MSRB3: variants seen among roughly 807,000 people sequenced by gnomAD.
MSRB3 encodes methionine-R-sulfoxide reductase B3.
Under a neutral mutation model 21.0 loss-of-function variants are expected in MSRB3, and 13 were observed. The ratio of observed to expected loss-of-function variants is 0.62; its 90% CI spans 0.40 to 0.98. MSRB3 has a LOEUF of 0.98. Among genes scored for constraint, MSRB3 ranks in the 50% least tolerant of loss-of-function variants. The pLI is 0.00. For synonymous variants in MSRB3, 87 were observed against 88.6 expected, an observed-to-expected ratio of 0.98 and a Z score of 0.10; for missense variants, 199 against 230.3, an observed-to-expected ratio of 0.86 and a Z score of 0.88.
chr12:65,374,854 T>C (rs1337572696), intron 5 of MSRB3, among the ~76,000 whole-genome samples: 1 of 152,192 alleles, frequency 6.6e-6, no homozygotes, highest in African/African-American at 2.4e-5. Flanking sequence ...GCAATCTTTC[T>C]TTCTTTCTTT....
chr12:65,403,835 A>G (rs1880263348), intron 5 of MSRB3, among the ~76,000 whole-genome samples: 1 of 152,008 alleles, frequency 6.6e-6, no homozygotes, highest in Admixed American at 6.6e-5. Context: ...GCAGTCCCTC[A>G]TGGCTTCCCT....
Position 65,437,075 on chromosome 12 carries a change from A to G in MSRB3, c.293-16653A>G, listed in dbSNP as rs1175947924. On this transcript the variant is annotated intron_variant, in intron 5 of 6. Coordinates refer to ENST00000308259, the MANE Select transcript of MSRB3 (RefSeq NM_001031679.3). The stretch of plus-strand genomic sequence containing the variant: ...TGGAGATGGTCCTGTGTGTGGCCTT[A>G]TACTTTCTATTCCAGTTTTTCTGAA... Among the ~76,000 whole-genome samples the G allele has an allele frequency of 3.3e-5, 5 of 152,022 alleles. No homozygotes were observed. The East Asian group carries it at 7.7e-4, about 23-fold the overall frequency.
intron 1 of MSRB3, among the ~76,000 whole-genome samples, chr12:65,294,571 T>C (rs1161514855): frequency 1.3e-5 from 2 of 152,240 alleles, no homozygotes; most frequent in African/African-American, 4.8e-5. Context: ...TATTGCCACC[T>C]TTGTCCTTGT....
intron 5 of MSRB3, among the ~76,000 whole-genome samples, chr12:65,402,123 T>C (rs1880160612): frequency 6.6e-6 from 1 of 152,192 alleles, no homozygotes; most frequent in African/African-American, 2.4e-5. Flanking sequence ...ATCTTTGTGG[T>C]GTTCTCTGTA....
At chr12:65,406,563 T>G (rs117784929) in intron 5 of MSRB3, among the ~76,000 whole-genome samples, 36 of 152,262 alleles carry the variant, frequency 2.4e-4, no homozygotes, top group Non-Finnish European at 3.5e-4. Flanking sequence ...CCAAATAACA[T>G]TTTTCACAGA....
intron 5 of MSRB3, among the ~76,000 whole-genome samples, chr12:65,375,625 G>A (rs1878569045): frequency 6.6e-6 from 1 of 151,858 alleles, no homozygotes; most frequent in South Asian, 2.1e-4. Flanking sequence ...TTTTTGTAGA[G>A]ACTGGATCTT....
At position 65,366,385 on chromosome 12, in the gene MSRB3, T is replaced by C. The variant is rs923002966; in HGVS notation, c.264-2613T>C. On this transcript the variant is annotated intron_variant, in intron 4 of 6. Coordinates refer to ENST00000308259, the MANE Select transcript of MSRB3 (RefSeq NM_001031679.3). ...GGTCAGAGTAGCAACTTAAGGCCAT[T>C]TGGGTAGAGAATGATGGTGATGCTG... 6.6e-5 allele frequency among the ~76,000 whole-genome samples: 10 copies of C among 152,156 alleles called. No individual in the cohort carries two copies. In the East Asian group the frequency reaches 1.9e-3, roughly 29 times the overall value.
chr12:65,420,912 A>G (rs1024160144), intron 5 of MSRB3, among the ~76,000 whole-genome samples: 4 of 152,196 alleles, frequency 2.6e-5, no homozygotes, highest in African/African-American at 9.6e-5. Context: ...GCTATTGTGA[A>G]TAGTGCTGCA....
chr12:65,381,609 C>G (rs2136559195), intron 5 of MSRB3, among the ~76,000 whole-genome samples: 1 of 152,112 alleles, frequency 6.6e-6, no homozygotes, highest in African/African-American at 2.4e-5. Context: ...ATGATAATGA[C>G]TTTTTAGTTC....
At chr12:65,419,038 TC>T in intron 5 of MSRB3, 1 of 707,060 alleles carries the variant, frequency 1.4e-6, no homozygotes. Flanking sequence ...GGCCTCCACC[TC>T]CCTCAGGCTG....
At chr12:65,411,409 C>T (rs1880709530) in intron 5 of MSRB3, among the ~76,000 whole-genome samples, 1 of 152,132 alleles carries the variant, frequency 6.6e-6, no homozygotes, top group Non-Finnish European at 1.5e-5. Context: ...CCTATGACCA[C>T]CAGTGCAACT....
chr12:65,323,051 C>T (rs1349193154), intron 2 of MSRB3, among the ~76,000 whole-genome samples: 2 of 152,164 alleles, frequency 1.3e-5, no homozygotes, highest in Admixed American at 6.5e-5. Context: ...AATACTGGAC[C>T]TGGCTATCTT....
chr12:65,300,024 A>G (rs144253819), intron 1 of MSRB3, among the ~76,000 whole-genome samples: 241 of 152,296 alleles, frequency 1.6e-3, no homozygotes, highest in African/African-American at 5.5e-3. Flanking sequence ...TTCTATCATC[A>G]TGGCAAATGG....
At chr12:65,339,323 TC>T (rs1875988478) in intron 4 of MSRB3, among the ~76,000 whole-genome samples, 1 of 152,316 alleles carries the variant, frequency 6.6e-6, no homozygotes, top group South Asian at 2.1e-4. Context: ...CAAAAATTCC[TC>T]CAGACATTCT....
intron 5 of MSRB3, among the ~76,000 whole-genome samples, chr12:65,388,424 C>G (rs1363165752): frequency 2.0e-5 from 3 of 152,162 alleles, no homozygotes; most frequent in African/African-American, 7.2e-5. Context: ...TCCTTGTGCA[C>G]TGCCCAGAGT....
In MSRB3 at chr12:65,466,109, C is replaced by T. The variant is rs1051276999; in HGVS notation, c.*2787C>T. On this transcript the variant is annotated 3_prime_UTR_variant, in exon 7 of 7. Coordinates refer to ENST00000308259, the MANE Select transcript of MSRB3 (RefSeq NM_001031679.3). ...TTATATCGTAGGGCTTAACATTTCA[C>T]TCAAAAAAAAGCCCCTCTTTTTCTA... 2.0e-5 allele frequency: 3 copies of T among 151,924 alleles called. No individual in the cohort carries two copies. Among genetic ancestry groups the T allele is most frequent in the Non-Finnish European group, 4.4e-5 (3 of 67,974 alleles). 9.4% of individuals were successfully genotyped at this position (151,924 alleles called of 1,614,324 possible).
intron 5 of MSRB3, among the ~76,000 whole-genome samples, chr12:65,396,699 AAAAAAAAAGAAAG>A (rs1433733280): frequency 3.2e-4 from 8 of 25,010 alleles, no homozygotes; most frequent in African/African-American, 4.9e-4. Context: ...CTCAAAAAAA[AAAAAAAAAGAAAG>A]AAAGAAAGAA....
At chr12:65,285,927 C>T (rs930218674) in intron 1 of MSRB3, 1 of 152,172 alleles carries the variant, frequency 6.6e-6, no homozygotes, top group African/African-American at 2.4e-5. Flanking sequence ...GTATATTATT[C>T]ATAACATTTG....
intron 5 of MSRB3, among the ~76,000 whole-genome samples, chr12:65,426,182 A>G (rs1881590324): frequency 6.6e-6 from 1 of 151,872 alleles, no homozygotes; most frequent in South Asian, 2.1e-4. Flanking sequence ...TTATGTTACT[A>G]TTTTTTGTCT....
Sources: gnomAD v4.1 joint callset for allele counts (sites outside exome capture counted in the v4.1 genomes callset) on GRCh38, gnomAD v4.1.1 for gene constraint, MANE v1.5 for transcripts, NCBI Gene and HGNC (gene_info 2026-07-23, HGNC 2026-07-21) for gene names.